The following DYRK1A variants were observed in gnomAD, a reference collection of about 807,000 sequenced individuals.
DYRK1A encodes the protein dual specificity tyrosine phosphorylation regulated kinase 1A.
A neutral mutation model predicts 79.7 loss-of-function variants in DYRK1A; 9 were observed. The ratio of observed to expected loss-of-function variants is 0.11; its 90% CI spans 0.07 to 0.20. The LOEUF (loss-of-function observed/expected upper bound fraction) is 0.20. Ranked by LOEUF, DYRK1A falls within the 10% of genes least tolerant of loss-of-function variation. The pLI is 1.00. For missense variants in DYRK1A, 622 were observed against 956.0 expected (o/e 0.65, Z 4.61); for synonymous variants, 349 against 329.7 (o/e 1.06, Z -0.63).
chr21:37,386,858 T>C (rs556515687), intron 1 of DYRK1A, among the ~76,000 whole-genome samples: 3 of 152,134 alleles, frequency 2.0e-5, no homozygotes, highest in Non-Finnish European at 2.9e-5. Flanking sequence ...ACAGTGCCCA[T>C]GGGAAGAAGG....
At chr21:37,454,205 A>G (rs932968150) in intron 2 of DYRK1A, among the ~76,000 whole-genome samples, 1 of 143,842 alleles carries the variant, frequency 7.0e-6, no homozygotes, top group Non-Finnish European at 1.5e-5. Flanking sequence ...CGATTCTCCT[A>G]CCTCAGCCTG....
intron 1 of DYRK1A, among the ~76,000 whole-genome samples, chr21:37,406,606 G>GCATGA (rs768393247): frequency 5.3e-5 from 8 of 151,960 alleles, no homozygotes; most frequent in Non-Finnish European, 1.0e-4. Context: ...AGTGGCTGAG[G>GCATGA]CATGAGAATT....
At chr21:37,445,958 G>A (rs1027066061) in intron 2 of DYRK1A, among the ~76,000 whole-genome samples, 13 of 152,132 alleles carry the variant, frequency 8.5e-5, no homozygotes, top group African/African-American at 2.9e-4. Flanking sequence ...GGGCAGCCTA[G>A]TGAGACCCTC....
intron 1 of DYRK1A, among the ~76,000 whole-genome samples, chr21:37,381,144 A>C (rs1191604461): frequency 1.3e-5 from 2 of 152,312 alleles, no homozygotes; most frequent in Middle Eastern, 3.4e-3. Flanking sequence ...CTAAATAAAC[A>C]TTTGTTGAAT....
At chr21:37,500,846 G>T (rs1412477430) in intron 9 of DYRK1A, among the ~76,000 whole-genome samples, 1 of 150,658 alleles carries the variant, frequency 6.6e-6, no homozygotes, top group Non-Finnish European at 1.5e-5. Context: ...TGTACTTTCT[G>T]TTTTTTCCGC....
chr21:37,496,495 T>C (rs1261074801), intron 9 of DYRK1A, among the ~76,000 whole-genome samples: 4 of 152,226 alleles, frequency 2.6e-5, no homozygotes, highest in Admixed American at 2.6e-4. Flanking sequence ...AAAAACTGTA[T>C]GCCTGCATTT....
At chr21:37,459,244 C>G (rs1467897396) in intron 2 of DYRK1A, among the ~76,000 whole-genome samples, 1 of 152,146 alleles carries the variant, frequency 6.6e-6, no homozygotes, top group Admixed American at 6.5e-5. Flanking sequence ...ATTAGTTCCT[C>G]TGTTATAATC....
At chr21:37,434,034 T>C (rs2050852805) in intron 2 of DYRK1A, among the ~76,000 whole-genome samples, 1 of 152,134 alleles carries the variant, frequency 6.6e-6, no homozygotes, top group Non-Finnish European at 1.5e-5. Flanking sequence ...CCAGAATTCC[T>C]GAGTAGAGAG....
chr21:37,448,870 A>G (rs935879941), intron 2 of DYRK1A, among the ~76,000 whole-genome samples: 1 of 151,904 alleles, frequency 6.6e-6, no homozygotes, highest in African/African-American at 2.4e-5. Flanking sequence ...CTAATTTAAA[A>G]ATTTTTTTGT....
At chr21:37,402,507 T>C (rs1259128925) in intron 1 of DYRK1A, among the ~76,000 whole-genome samples, 1 of 152,212 alleles carries the variant, frequency 6.6e-6, no homozygotes, top group Non-Finnish European at 1.5e-5. Context: ...TATACCAGTC[T>C]TTTCTTCTGG....
chr21:37,509,350 TAGAG>T (rs909457409), intron 11 of DYRK1A, among the ~76,000 whole-genome samples: 13 of 152,240 alleles, frequency 8.5e-5, no homozygotes, highest in African/African-American at 3.1e-4. Flanking sequence ...TATCAGTAAA[TAGAG>T]AGCTTTTTCA....
chr21:37,376,984 C>G (rs1490317386), intron 1 of DYRK1A, among the ~76,000 whole-genome samples: 2 of 152,070 alleles, frequency 1.3e-5, no homozygotes, highest in Non-Finnish European at 2.9e-5. Flanking sequence ...TGTTAGAAAA[C>G]TATGTATGAT....
At chr21:37,480,914 CT>C in intron 5 of DYRK1A, 88 bp downstream of exon 5, 1 of 1,088,850 alleles carries the variant, frequency 9.2e-7, no homozygotes, top group Non-Finnish European at 1.3e-6. Flanking sequence ...CAAGAGTGTA[CT>C]TTTAATATTT....
rs1295076644 is a variant in DYRK1A, at chr21:37,367,516, A to G, written c.-189A>G. The G allele has an allele frequency of 1.4e-4, 20 of 144,102 alleles. No individual in the cohort carries two copies. Among genetic ancestry groups the G allele is most frequent in the African/African-American group, 5.1e-4 (20 of 39,374 alleles). The allele number at this position is 144,102 out of a possible 1,614,324, so 8.9% of individuals were successfully genotyped here. Reference sequence around the variant, plus strand: ...CCAGGAGCCGGAGCGCCGGGGGCGGAGAGAGGCTGCCGGGGCGGCGCTGGC... The same window carrying G: ...CCAGGAGCCGGAGCGCCGGGGGCGGGGAGAGGCTGCCGGGGCGGCGCTGGC... On this transcript the variant is annotated 5_prime_UTR_variant, in exon 1 of 12. Transcript: ENST00000647188.
At chr21:37,507,106 T>C (rs1028910037) in intron 11 of DYRK1A, among the ~76,000 whole-genome samples, 9 of 152,254 alleles carry the variant, frequency 5.9e-5, no homozygotes, top group Non-Finnish European at 1.2e-4. Flanking sequence ...CTCTTTGCTT[T>C]GTAAGGAAAA....
chr21:37,517,989 G>C lies in DYRK1A; in HGVS notation c.*5458G>C, dbSNP rs943150409. 13 of 152,146 alleles carry C rather than the reference G, an allele frequency of 8.5e-5. No individual in the cohort carries two copies. Among genetic ancestry groups the C allele is most frequent in the African/African-American group, 3.1e-4 (13 of 41,404 alleles). The allele number at this position is 152,146 out of a possible 1,614,324, so 9.4% of individuals were successfully genotyped here. The stretch of plus-strand genomic sequence containing the variant: ...GCTCACTGCAGCCTTAAACAACTGG[G>C]CTAGGTGATCCTCCCATCTCAGCCT... On this transcript the variant is annotated 3_prime_UTR_variant, in exon 12 of 12. Transcript: ENST00000647188.
At chr21:37,462,576 C>T (rs2051877982) in intron 2 of DYRK1A, among the ~76,000 whole-genome samples, 1 of 152,144 alleles carries the variant, frequency 6.6e-6, no homozygotes, top group Non-Finnish European at 1.5e-5. Context: ...GGTCCTTCTC[C>T]CAGTGCTTGT....
At chr21:37,497,285 G>GT (rs1239441707) in intron 9 of DYRK1A, among the ~76,000 whole-genome samples, 1 of 152,084 alleles carries the variant, frequency 6.6e-6, no homozygotes, top group Non-Finnish European at 1.5e-5. Flanking sequence ...AAGCACATAC[G>GT]TAGTTGTATC....
chr21:37,506,285 G>T, intron 11 of DYRK1A, 62 bp downstream of exon 11: 1 of 1,613,344 alleles, frequency 6.2e-7, no homozygotes, highest in Non-Finnish European at 8.5e-7. Context: ...AGCAGCACTG[G>T]ATGCCAGGTG....
Sources: gnomAD v4.1 joint callset for allele counts (sites outside exome capture counted in the v4.1 genomes callset) on GRCh38, gnomAD v4.1.1 for gene constraint, MANE v1.5 for transcripts, NCBI Gene and HGNC (gene_info 2026-07-23, HGNC 2026-07-21) for gene names.